TSGA10: variants seen among roughly 807,000 people sequenced by gnomAD.
TSGA10 encodes testis specific 10, also known as testis-specific gene 10 protein.
TSGA10 carries 43 observed loss-of-function variants against 96.6 expected under a neutral mutation model. That is an observed-to-expected ratio of 0.44 (90% confidence interval 0.35 to 0.57). TSGA10 has a LOEUF of 0.57. TSGA10 is among the 20% of genes least tolerant of loss of function. The pLI is 0.01. For missense variants in TSGA10, 703 were observed against 834.4 expected, an observed-to-expected ratio of 0.84 and a Z score of 1.94; for synonymous variants, 229 against 269.9, an observed-to-expected ratio of 0.85 and a Z score of 1.48.
At chr2:99,024,429 C>T (rs190384691) in intron 17 of TSGA10, among the ~76,000 whole-genome samples, 5 of 152,030 alleles carry the variant, frequency 3.3e-5, no homozygotes, top group Admixed American at 2.6e-4. Flanking sequence ...GATGCAATTC[C>T]GTTTGATATA....
intron 12 of TSGA10, among the ~76,000 whole-genome samples, chr2:99,076,151 C>T (rs1478119306): frequency 7.9e-5 from 12 of 152,142 alleles, no homozygotes; most frequent in Non-Finnish European, 2.9e-5. Flanking sequence ...CAATAACTTT[C>T]CTTTCTAAGC....
intron 17 of TSGA10, among the ~76,000 whole-genome samples, chr2:99,020,999 T>C (rs1309458312): frequency 2.7e-5 from 4 of 150,512 alleles, no homozygotes; most frequent in Non-Finnish European, 4.4e-5. Flanking sequence ...TAATCTCTTA[T>C]ATTCTCTTGC....
chr2:99,098,375 C>A (rs2090304729), intron 10 of TSGA10, among the ~76,000 whole-genome samples: 1 of 140,832 alleles, frequency 7.1e-6, no homozygotes, highest in South Asian at 2.2e-4. Context: ...GGAGGTGGAG[C>A]ATGCAGTGAG....
At chr2:99,148,160 T>C (rs1355832063) in intron 1 of TSGA10, 1 of 152,240 alleles carries the variant, frequency 6.6e-6, no homozygotes, top group Non-Finnish European at 1.5e-5. Context: ...ATTTGTTTCA[T>C]AGAAGATACT....
intron 1 of TSGA10, among the ~76,000 whole-genome samples, chr2:99,140,167 C>G (rs1392195361): frequency 6.6e-6 from 1 of 152,046 alleles, no homozygotes; most frequent in Non-Finnish European, 1.5e-5. Context: ...ATTAATGTAC[C>G]GTCCTAGTTA....
At chr2:99,048,953 C>A (rs1182821725) in intron 16 of TSGA10, among the ~76,000 whole-genome samples, 1 of 152,050 alleles carries the variant, frequency 6.6e-6, no homozygotes, top group Admixed American at 6.6e-5. Context: ...AAAGAAGACA[C>A]TTATGCAGCC....
In TSGA10 at chr2:99,018,201, C is replaced by T. The variant is rs1385643036; in HGVS notation, c.2071G>A (p.Glu691Lys). ...PDRGLDRSLE[E>K]NLCYRDF Reference sequence around the variant, plus strand: ...GAATGGATCCTTAAATAGACTCACTCTTCTAATGATCGATCTAGGCCTCGG... The same window carrying T: ...GAATGGATCCTTAAATAGACTCACTTTTCTAATGATCGATCTAGGCCTCGG... The change falls in exon 20 of 21, where the codon GAG (glutamate) becomes AAG (lysine). Residue 691 changes from glutamate to lysine, a missense_variant and splice_region_variant. Glu to Lys is a moderately conservative substitution (Grantham distance 56, BLOSUM62 1). Around this residue, in one of 3 missense-constraint regions of TSGA10, gnomAD observed 69 missense variants for 81.3 expected, o/e 0.85. Transcript: ENST00000393483. 3.7e-6 allele frequency: 6 copies of T among 1,613,704 alleles called. No individual in the cohort carries two copies. Among genetic ancestry groups the T allele is most frequent in the Non-Finnish European group, 5.1e-6 (6 of 1,179,966 alleles).
chr2:99,141,280 G>T, intron 1 of TSGA10: 1 of 616,930 alleles, frequency 1.6e-6, no homozygotes, highest in Non-Finnish European at 2.2e-6. Context: ...GGAGCCCGCG[G>T]GAAGGAGGAG....
At chr2:99,006,652 C>T (rs988454337) in intron 20 of TSGA10, among the ~76,000 whole-genome samples, 4 of 152,094 alleles carry the variant, frequency 2.6e-5, no homozygotes, top group East Asian at 1.9e-4. Context: ...ACAACAGGTG[C>T]TGGAGAGGAT....
At chr2:99,081,189 A>T (rs535357936) in intron 11 of TSGA10, 93 bp downstream of exon 11, 4 of 601,678 alleles carry the variant, frequency 6.6e-6, no homozygotes, top group Admixed American at 3.3e-5. Flanking sequence ...GCTTGTTTCC[A>T]AGTTTTTCTA....
At chr2:99,120,029 C>T (rs546275095) in intron 2 of TSGA10, among the ~76,000 whole-genome samples, 2 of 152,186 alleles carry the variant, frequency 1.3e-5, no homozygotes, top group South Asian at 4.2e-4. Flanking sequence ...TATGTGTGCC[C>T]ATAAAGCCTC....
At chr2:99,092,656 T>C (rs1292043422) in intron 10 of TSGA10, among the ~76,000 whole-genome samples, 3 of 152,066 alleles carry the variant, frequency 2.0e-5, no homozygotes, top group African/African-American at 7.2e-5. Context: ...TTCACACGCA[T>C]AAACTAGAAA....
intron 20 of TSGA10, among the ~76,000 whole-genome samples, chr2:99,013,777 A>G (rs1038447893): frequency 1.3e-5 from 2 of 151,786 alleles, no homozygotes; most frequent in Non-Finnish European, 2.9e-5. Context: ...GCATTTTGGG[A>G]GGCGAAGACA....
In TSGA10 at chr2:99,042,039, C is replaced by CCTTTTTT. The variant is rs1558816084; in HGVS notation, c.1405-6601_1405-6600insAAAAAAG. Among the ~76,000 whole-genome samples, 6 of 140,110 alleles carry CCTTTTTT rather than the reference C, an allele frequency of 4.3e-5. 2 individuals carry two copies. The highest frequency in any genetic ancestry group is 5.6e-5 in the African/African-American group (2 of 35,668). 91.9% of individuals were successfully genotyped at this position (140,110 alleles called of 152,430 possible). A position where few individuals can be genotyped will look rare whatever the true frequency, so the allele number is the denominator to read the frequency against. On this transcript the variant is annotated intron_variant, in intron 16 of 20. Coordinates refer to ENST00000393483, the MANE Select transcript of TSGA10 (RefSeq NM_025244.4). ...ACATGAATAGACAATTGCCCCCCCA[C>CCTTTTTT]ATTTTTTTTTTTTTTTTTTTTGAGA...
At chr2:99,115,767 C>T (rs1283659934) in intron 4 of TSGA10, among the ~76,000 whole-genome samples, 1 of 152,084 alleles carries the variant, frequency 6.6e-6, no homozygotes, top group Non-Finnish European at 1.5e-5. Flanking sequence ...GTAATCCCAG[C>T]TACTCGGGAG....
At chr2:99,095,209 G>T (rs2089898929) in intron 10 of TSGA10, among the ~76,000 whole-genome samples, 1 of 152,122 alleles carries the variant, frequency 6.6e-6, no homozygotes, top group East Asian at 1.9e-4. Context: ...AGGATGCAAA[G>T]GCATAAGGAT....
intron 1 of TSGA10, among the ~76,000 whole-genome samples, chr2:99,150,053 A>G (rs534701490): frequency 1.3e-5 from 2 of 152,152 alleles, no homozygotes; most frequent in African/African-American, 4.8e-5. Context: ...TCGGCCCCCA[A>G]AGTGCTGGGA....
intron 20 of TSGA10, among the ~76,000 whole-genome samples, chr2:99,003,370 T>A (rs982075521): frequency 4.6e-5 from 7 of 152,230 alleles, no homozygotes; most frequent in Non-Finnish European, 1.0e-4. Context: ...AACACCCCAC[T>A]GTCAACATTA....
At chr2:99,001,503 A>G (rs1402386082) in intron 20 of TSGA10, among the ~76,000 whole-genome samples, 1 of 152,220 alleles carries the variant, frequency 6.6e-6, no homozygotes, top group Non-Finnish European at 1.5e-5. Context: ...GACCGAAGGT[A>G]GATTAAAACC....
Sources: allele counts gnomAD v4.1 joint callset (sites outside exome capture counted in the v4.1 genomes callset), GRCh38; gene constraint gnomAD v4.1.1; regional missense constraint gnomAD v4.1.1; transcripts MANE v1.5; gene names NCBI Gene and HGNC (gene_info 2026-07-23, HGNC 2026-07-21).